ARMC3: variants seen among roughly 807,000 people sequenced by gnomAD.
ARMC3 encodes the protein armadillo repeat-containing protein 3.
A neutral mutation model predicts 90.3 loss-of-function variants in ARMC3; 74 were observed. That is an observed-to-expected ratio of 0.82 (90% confidence interval 0.68 to 0.99). ARMC3 has a LOEUF of 0.99. Among genes scored for constraint, ARMC3 ranks in the 50% least tolerant of loss-of-function variants. ARMC3 has a pLI of 0.00. For missense variants in ARMC3, 958 were observed against 1,042.8 expected, an observed-to-expected ratio of 0.92 and a Z score of 1.12; for synonymous variants, 334 against 361.8, an observed-to-expected ratio of 0.92 and a Z score of 0.87.
rs1839182636 is a variant in ARMC3 at position 23,037,980 on chromosome 10, C to T, written c.*501C>T. ...AACACAGATCTGAGTGTTACAAATT[C>T]CTTTCTAAAAATTTTTGTTTCTATT... On this transcript the variant is annotated 3_prime_UTR_variant, in exon 19 of 19. Coordinates refer to ENST00000298032, the MANE Select transcript of ARMC3 (RefSeq NM_173081.5). 1 of 152,120 alleles carries T rather than the reference C, an allele frequency of 6.6e-6. No homozygotes were observed. Among genetic ancestry groups the T allele is most frequent in the African/African-American group, 2.4e-5 (1 of 41,402 alleles). The allele number at this position is 152,120 out of a possible 1,614,324, so 9.4% of individuals were successfully genotyped here.
chr10:22,932,130 A>G, intron 2 of ARMC3, 86 bp downstream of exon 2: 1 of 1,096,794 alleles, frequency 9.1e-7, no homozygotes, highest in Non-Finnish European at 1.3e-6. Flanking sequence ...GTACCAGTAT[A>G]TACATGAATA....
chr10:23,014,165 G>A, intron 16 of ARMC3: 1 of 1,549,374 alleles, frequency 6.5e-7, no homozygotes, highest in Non-Finnish European at 8.7e-7. Flanking sequence ...TTGGCATGAG[G>A]AGAACACAGA....
intron 2 of ARMC3, among the ~76,000 whole-genome samples, chr10:22,934,042 T>C (rs1011002902): frequency 1.3e-5 from 2 of 152,238 alleles, no homozygotes; most frequent in Non-Finnish European, 2.9e-5. Context: ...AATATACCTC[T>C]AAAGTCAATA....
At chr10:22,959,201 A>T in intron 5 of ARMC3, 63 bp downstream of exon 5, 1 of 1,436,164 alleles carries the variant, frequency 7.0e-7, no homozygotes, top group Non-Finnish European at 9.8e-7. Flanking sequence ...TGATTAAACT[A>T]TATATTGAAA....
intron 8 of ARMC3, among the ~76,000 whole-genome samples, chr10:22,975,085 T>A (rs543831890): frequency 6.6e-6 from 1 of 152,346 alleles, no homozygotes; most frequent in South Asian, 2.1e-4. Flanking sequence ...TTTTATTTGA[T>A]TCATTTCTCA....
At chr10:22,938,815 C>T (rs911003030) in intron 2 of ARMC3, among the ~76,000 whole-genome samples, 5 of 152,164 alleles carry the variant, frequency 3.3e-5, no homozygotes, top group East Asian at 3.9e-4. Flanking sequence ...AGCCTAGTCG[C>T]CCAAGGAATT....
At chr10:23,025,581 G>T (rs1223596991) in intron 16 of ARMC3, among the ~76,000 whole-genome samples, 1 of 151,888 alleles carries the variant, frequency 6.6e-6, no homozygotes, top group African/African-American at 2.4e-5. Context: ...AAATTTGTGG[G>T]GCACACTTCA....
At chr10:22,994,605 C>T (rs541747042) in intron 10 of ARMC3, among the ~76,000 whole-genome samples, 1 of 151,996 alleles carries the variant, frequency 6.6e-6, no homozygotes, top group Non-Finnish European at 1.5e-5. Context: ...CAATGGGAAA[C>T]CGTGAAAGTT....
At chr10:23,003,673 G>A (rs1837432722) in intron 13 of ARMC3, among the ~76,000 whole-genome samples, 1 of 152,124 alleles carries the variant, frequency 6.6e-6, no homozygotes, top group Non-Finnish European at 1.5e-5. Context: ...TACAAAAGAA[G>A]AGCTGGGTGG....
intron 16 of ARMC3, among the ~76,000 whole-genome samples, chr10:23,024,666 TA>T (rs1838646551): frequency 6.6e-6 from 1 of 151,926 alleles, no homozygotes; most frequent in Non-Finnish European, 1.5e-5. Context: ...CTGTAACCAC[TA>T]AAAAACCTAT....
At chr10:22,999,289 T>TTTGCGAGGTGGA (rs2131409591) in intron 11 of ARMC3, among the ~76,000 whole-genome samples, 1 of 152,322 alleles carries the variant, frequency 6.6e-6, no homozygotes, top group South Asian at 2.1e-4. Flanking sequence ...GGCTCACACT[T>TTTGCGAGGTGGA]GTTATCCCTG....
chr10:22,965,071 G>A (rs1222612413), intron 7 of ARMC3, among the ~76,000 whole-genome samples: 1 of 152,064 alleles, frequency 6.6e-6, no homozygotes, highest in African/African-American at 2.4e-5. Flanking sequence ...ATGTTCATAT[G>A]TGTTTGTGTA....
chr10:23,001,009 C>T (rs1454220307), intron 11 of ARMC3, among the ~76,000 whole-genome samples: 1 of 151,502 alleles, frequency 6.6e-6, no homozygotes, highest in African/African-American at 2.4e-5. Context: ...TTTTCTTTTT[C>T]TTCTCCTCTT....
At position 22,982,939 on chromosome 10, in the gene ARMC3, G is replaced by A. The variant is rs1031645290; in HGVS notation, c.1175+1239G>A. ...ATCTAACTGCCTGATAAAAACATAA[G>A]AGGAATGCATTAAGTGTCAAAACAA... On this transcript the variant is annotated intron_variant, in intron 10 of 18. Transcript: ENST00000298032. 2.6e-5 allele frequency among the ~76,000 whole-genome samples: 4 copies of A among 152,210 alleles called. 1 individual carries two copies. The highest frequency in any genetic ancestry group is 1.5e-5 in the Non-Finnish European group (1 of 67,994).
chr10:22,955,660 C>T lies in ARMC3; in HGVS notation c.167-147C>T, dbSNP rs970280808. ...GGAGGAAATGTCCGGGATGTGTGTCCTTGAAGTTTATTCTGAGGGAAATAC... is the reference window on the plus strand; with the variant it reads ...GGAGGAAATGTCCGGGATGTGTGTCTTTGAAGTTTATTCTGAGGGAAATAC... On this transcript the variant is annotated intron_variant, in intron 3 of 18. Transcript: ENST00000298032. The T allele has an allele frequency of 2.1e-5, 20 of 947,610 alleles. No homozygotes were observed. The African/African-American group carries it at 3.0e-4, about 14-fold the overall frequency. 58.7% of individuals were successfully genotyped at this position (947,610 alleles called of 1,614,324 possible). A position where few individuals can be genotyped will look rare whatever the true frequency, so the allele number is the denominator to read the frequency against.
At chr10:23,011,429 G>A (rs913110169) in intron 16 of ARMC3, among the ~76,000 whole-genome samples, 2 of 152,168 alleles carry the variant, frequency 1.3e-5, no homozygotes, top group African/African-American at 2.4e-5. Flanking sequence ...AATGCTTAGC[G>A]CGGTGCCTGG....
chr10:22,935,816 T>C (rs1834086451), intron 2 of ARMC3, among the ~76,000 whole-genome samples: 1 of 152,218 alleles, frequency 6.6e-6, no homozygotes, highest in Non-Finnish European at 1.5e-5. Context: ...CTACTTTCAT[T>C]TTAATCTTTA....
rs576515158 is a variant in ARMC3, at chr10:22,932,493, G to A, written c.48+449G>A. On this transcript the variant is annotated intron_variant, in intron 2 of 18. Transcript: ENST00000298032. ...AGTCCCTATCCTTTCCAGTTCTATC[G>A]AGAGACTAGTCTGGCATCATCATTT... Among the ~76,000 whole-genome samples the A allele has an allele frequency of 6.6e-5, 10 of 152,264 alleles. No individual in the cohort carries two copies. The South Asian group carries it at 1.2e-3, about 19-fold the overall frequency.
At chr10:22,959,323 T>C in intron 5 of ARMC3, 76 bp from the exon 6 acceptor site, 6 of 1,447,388 alleles carry the variant, frequency 4.1e-6, no homozygotes, top group Non-Finnish European at 5.6e-6. Flanking sequence ...GAGCTTTGGT[T>C]TCCAAAGCAT....
Sources: allele counts gnomAD v4.1 joint callset (sites outside exome capture counted in the v4.1 genomes callset), GRCh38; gene constraint gnomAD v4.1.1; transcripts MANE v1.5; gene names NCBI Gene and HGNC (gene_info 2026-07-23, HGNC 2026-07-21).